The following C2CD5 variants were observed in gnomAD, a reference collection of about 807,000 sequenced individuals.
C2CD5 encodes C2 calcium dependent domain containing 5, also known as C2 domain-containing protein 5.
C2CD5 carries 109 observed loss-of-function variants against 130.3 expected under a neutral mutation model. The observed-to-expected ratio is 0.84, with a 90% CI of 0.72 to 0.98. The LOEUF is 0.98. Ranked by LOEUF, C2CD5 falls within the 50% of genes least tolerant of loss-of-function variation. The probability of loss-of-function intolerance (pLI) is 0.00; values close to 1 mark genes in which losing one functional copy is unlikely to be tolerated. For missense variants in C2CD5, 996 were observed against 1,261.8 expected, an observed-to-expected ratio of 0.79 and a Z score of 3.19; for synonymous variants, 454 against 429.2, an observed-to-expected ratio of 1.06 and a Z score of -0.71.
Position 22,472,020 on chromosome 12 carries a change from T to G in C2CD5, c.2215A>C (p.Thr739Pro), listed in dbSNP as rs1943117522. 15 of 1,609,986 alleles carry G rather than the reference T, an allele frequency of 9.3e-6. No homozygotes were observed. Among genetic ancestry groups the G allele is most frequent in the Non-Finnish European group, 1.3e-5 (15 of 1,176,984 alleles). ...AAGTTCTTATTGAGAGCTTGATTAG[T>G]CAGGTTGAGGCTGCTTAATCTGATT... Reference protein sequence around the residue: ...RVIRLSSLNLTNQALNKNFND... With the variant: ...RVIRLSSLNLPNQALNKNFND... Residue 739 changes from threonine to proline, a missense_variant, in exon 19 of 27, where the codon ACT becomes CCT. Physicochemically the swap from Thr to Pro is conservative, Grantham distance 38. Coordinates refer to ENST00000446597, the MANE Select transcript of C2CD5 (RefSeq NM_001286176.2).
intron 17 of C2CD5, 192 bp from the exon 18 acceptor site, chr12:22,472,539 T>C: frequency 1.6e-6 from 1 of 621,040 alleles, no homozygotes; most frequent in South Asian, 2.1e-5. Context: ...TGTATAAATA[T>C]AAAAGGACTA....
At chr12:22,512,728 A>G (rs1369586722) in intron 9 of C2CD5, 1 of 1,342,130 alleles carries the variant, frequency 7.5e-7, no homozygotes, top group Non-Finnish European at 1.0e-6. Flanking sequence ...GAGAGAAATC[A>G]TCCAAAAACT....
chr12:22,537,821 AAACAC>A (rs1197170905), intron 2 of C2CD5, among the ~76,000 whole-genome samples: 2 of 152,246 alleles, frequency 1.3e-5, no homozygotes, highest in Non-Finnish European at 2.9e-5. Flanking sequence ...GTTCCTAGAA[AAACAC>A]AAGATGACAA....
At chr12:22,467,561 G>A (rs555086605) in intron 22 of C2CD5, among the ~76,000 whole-genome samples, 2 of 152,148 alleles carry the variant, frequency 1.3e-5, no homozygotes, top group Admixed American at 6.5e-5. Flanking sequence ...GAAACCCAAC[G>A]AATTTTAAAG....
At chr12:22,477,135 A>ATTTTTATTT (rs1943961574) in intron 15 of C2CD5, 1 of 152,184 alleles carries the variant, frequency 6.6e-6, no homozygotes, top group East Asian at 1.9e-4. Context: ...TTTTAATAAA[A>ATTTTTATTT]CATTTTATTT....
At chr12:22,493,360 G>A (rs1946601231) in intron 10 of C2CD5, 23 bp from the exon 11 acceptor site, 5 of 1,292,384 alleles carry the variant, frequency 3.9e-6, no homozygotes, top group South Asian at 1.2e-5. Flanking sequence ...TTTTAAATCA[G>A]TTTATTACTC....
chr12:22,484,950 A>G, intron 12 of C2CD5, 62 bp from the exon 13 acceptor site: 2 of 765,084 alleles, frequency 2.6e-6, no homozygotes, highest in Non-Finnish European at 3.9e-6. Context: ...TTCAAAAATA[A>G]TTATGTAACT....
intron 10 of C2CD5, among the ~76,000 whole-genome samples, chr12:22,505,863 G>A (rs1948461447): frequency 6.7e-6 from 1 of 149,654 alleles, no homozygotes; most frequent in Non-Finnish European, 1.5e-5. Flanking sequence ...ATGTTAGTTT[G>A]CTCATCTGTT....
At chr12:22,528,321 G>T (rs911728394) in intron 3 of C2CD5, among the ~76,000 whole-genome samples, 4 of 152,082 alleles carry the variant, frequency 2.6e-5, no homozygotes. Context: ...AGAACCATAA[G>T]CAAAATTAAC....
chr12:22,472,402 T>A, intron 17 of C2CD5, 55 bp from the exon 18 acceptor site: 1 of 936,314 alleles, frequency 1.1e-6, no homozygotes, highest in Non-Finnish European at 1.6e-6. Context: ...GATTTTTGTG[T>A]TAAATGACAT....
chr12:22,544,025 C>A, intron 2 of C2CD5, 36 bp downstream of exon 2: 1 of 1,489,510 alleles, frequency 6.7e-7, no homozygotes, highest in Non-Finnish European at 9.4e-7. Flanking sequence ...GGGCTTGGCG[C>A]TCCCTGTGTT....
intron 9 of C2CD5, chr12:22,512,648 C>T (rs376405883): frequency 5.4e-6 from 8 of 1,485,714 alleles, no homozygotes; most frequent in African/African-American, 2.8e-5. Context: ...GAAACATACC[C>T]GCCTTCTACA....
chr12:22,472,837 A>G (rs1283855440), intron 16 of C2CD5, 30 bp from the exon 17 acceptor site: 1 of 1,128,966 alleles, frequency 8.9e-7, no homozygotes, highest in Non-Finnish European at 1.4e-6. Flanking sequence ...CTATTTTATA[A>G]GTAGTAAATG....
intron 15 of C2CD5, among the ~76,000 whole-genome samples, chr12:22,475,290 T>A (rs1184468923): frequency 2.0e-5 from 3 of 152,174 alleles, no homozygotes; most frequent in East Asian, 1.9e-4. Context: ...AGAATTCTAA[T>A]CTTTTATATA....
rs1946162480 is a variant in C2CD5 at position 22,490,213 on chromosome 12, T to TCTTCACTA, written c.1263-3_1267dup (p.Glu423ValfsTer17). On this transcript the variant is annotated frameshift_variant, in exon 12 of 27. Coordinates refer to ENST00000446597, the MANE Select transcript of C2CD5 (RefSeq NM_001286176.2). LOFTEE classifies it high-confidence loss of function. ...GCCAGATGCAGATAAAATGCAGACC[T>TCTTCACTA]CTTCACTATAAAGGAAAAAACACAA... 1 of 1,609,426 alleles carries TCTTCACTA rather than the reference T, an allele frequency of 6.2e-7. No individual in the cohort carries two copies. The highest frequency in any genetic ancestry group is 1.1e-5 in the South Asian group (1 of 90,838).
Position 22,523,437 on chromosome 12 carries a change from T to C in C2CD5, c.789A>G (p.Lys263=), listed in dbSNP as rs749512689. Residue 263 remains lysine, a synonymous_variant, in exon 7 of 27, where the codon AAA becomes AAG. Coordinates refer to ENST00000446597, the MANE Select transcript of C2CD5 (RefSeq NM_001286176.2). ...AFLPACNSPS[K]EMKEIPFNED... ...TGATTCATACTTACTCCTTCATTTCTTTGGATGGGGAATTACATGCAGGAA... is the reference window on the plus strand; with the variant it reads ...TGATTCATACTTACTCCTTCATTTCCTTGGATGGGGAATTACATGCAGGAA... 1 of 1,612,964 alleles carries C rather than the reference T, an allele frequency of 6.2e-7. No individual in the cohort carries two copies. The highest frequency in any genetic ancestry group is 1.1e-5 in the South Asian group (1 of 91,040).
At chr12:22,506,351 A>T (rs1948533080) in intron 10 of C2CD5, among the ~76,000 whole-genome samples, 1 of 152,208 alleles carries the variant, frequency 6.6e-6, no homozygotes. Flanking sequence ...AACAAGGAAA[A>T]TAAGTAATCT....
chr12:22,509,947 G>A (rs1464190044), intron 9 of C2CD5, among the ~76,000 whole-genome samples: 1 of 152,196 alleles, frequency 6.6e-6, no homozygotes, highest in Non-Finnish European at 1.5e-5. Context: ...GCTCACGCCT[G>A]TAATCCCAGC....
chr12:22,453,754 G>T, intron 26 of C2CD5, 142 bp downstream of exon 26: 1 of 693,790 alleles, frequency 1.4e-6, no homozygotes, highest in Non-Finnish European at 2.5e-6. Context: ...CCATGGTTAT[G>T]AATAAACTCA....
Sources: allele counts gnomAD v4.1 joint callset (sites outside exome capture counted in the v4.1 genomes callset), GRCh38; gene constraint gnomAD v4.1.1; transcripts MANE v1.5; gene names NCBI Gene and HGNC (gene_info 2026-07-23, HGNC 2026-07-21).